FAM193A: variants seen among roughly 807,000 people sequenced by gnomAD.
FAM193A encodes the protein protein FAM193A.
A neutral mutation model predicts 126.5 loss-of-function variants in FAM193A; 22 were observed. That is an observed-to-expected ratio of 0.17 (90% CI 0.12 to 0.25). The LOEUF is 0.25. Ranked by LOEUF, FAM193A falls within the 10% of genes least tolerant of loss-of-function variation. The pLI is 1.00. For missense variants in FAM193A, 1,675 were observed against 1,672.8 expected, an observed-to-expected ratio of 1.00 and a Z score of -0.02; for synonymous variants, 761 against 646.8, an observed-to-expected ratio of 1.18 and a Z score of -2.68.
At chr4:2,635,414 CTTA>C (rs1346400700) in intron 5 of FAM193A, among the ~76,000 whole-genome samples, 1 of 152,018 alleles carries the variant, frequency 6.6e-6, no homozygotes, top group African/African-American at 2.4e-5. Flanking sequence ...TTTTTAAATG[CTTA>C]TTGTCATTTT....
intron 12 of FAM193A, among the ~76,000 whole-genome samples, chr4:2,671,698 G>A (rs1310445881): frequency 8.5e-5 from 13 of 152,214 alleles, no homozygotes; most frequent in Admixed American, 3.3e-4. Flanking sequence ...TCACTCCACC[G>A]TAACCGGAAG....
intron 6 of FAM193A, among the ~76,000 whole-genome samples, chr4:2,641,796 A>C (rs964943279): frequency 3.0e-4 from 46 of 152,244 alleles, no homozygotes; most frequent in African/African-American, 1.1e-3. Context: ...ATTAGGTAAA[A>C]GAGAATTGAG....
chr4:2,656,190 G>A (rs761594898), intron 7 of FAM193A, among the ~76,000 whole-genome samples: 32 of 152,136 alleles, frequency 2.1e-4, no homozygotes, highest in Admixed American at 3.9e-4. Context: ...AATGAATTGA[G>A]AAACTCTGTG....
chr4:2,610,930 T>A (rs1348410617), intron 2 of FAM193A, among the ~76,000 whole-genome samples: 1 of 152,076 alleles, frequency 6.6e-6, no homozygotes, highest in Non-Finnish European at 1.5e-5. Flanking sequence ...AGAGACAGGG[T>A]TTCTCCATGT....
intron 19 of FAM193A, among the ~76,000 whole-genome samples, chr4:2,713,835 C>T (rs1719259059): frequency 6.6e-6 from 1 of 152,128 alleles, no homozygotes; most frequent in Non-Finnish European, 1.5e-5. Context: ...TAAACTTTGA[C>T]CTGTTGTGTT....
At chr4:2,623,195 G>C (rs902273888) in intron 2 of FAM193A, among the ~76,000 whole-genome samples, 4 of 150,766 alleles carry the variant, frequency 2.7e-5, no homozygotes, top group African/African-American at 9.8e-5. Flanking sequence ...TTTTTGAGAC[G>C]GAGTCTTGCT....
At chr4:2,631,995 GCTTT>G (rs1184537713) in intron 5 of FAM193A, among the ~76,000 whole-genome samples, 1 of 152,078 alleles carries the variant, frequency 6.6e-6, no homozygotes, top group South Asian at 2.1e-4. Context: ...AGTTTTGGGT[GCTTT>G]CTTTCTTTTA....
intron 15 of FAM193A, among the ~76,000 whole-genome samples, chr4:2,692,956 A>G (rs1206730340): frequency 2.6e-5 from 4 of 152,144 alleles, no homozygotes; most frequent in South Asian, 2.1e-4. Flanking sequence ...TAGTCCCAGC[A>G]CTTTAGGTGG....
chr4:2,708,687 T>A (rs1718586481), intron 19 of FAM193A, among the ~76,000 whole-genome samples: 1 of 152,138 alleles, frequency 6.6e-6, no homozygotes, highest in Non-Finnish European at 1.5e-5. Context: ...GGTCTCGAAC[T>A]CCAGACCTCA....
intron 2 of FAM193A, among the ~76,000 whole-genome samples, chr4:2,606,681 A>T (rs542322735): frequency 1.3e-5 from 2 of 152,270 alleles, no homozygotes; most frequent in East Asian, 3.9e-4. Flanking sequence ...TTTGTAAAGT[A>T]TTGGTTTACT....
chr4:2,666,516 A>G (rs925762856), intron 12 of FAM193A, among the ~76,000 whole-genome samples: 1 of 152,196 alleles, frequency 6.6e-6, no homozygotes, highest in African/African-American at 2.4e-5. Context: ...TATCAGAGTA[A>G]TACTGGCTTC....
chr4:2,604,731 A>T (rs532008694), intron 2 of FAM193A, among the ~76,000 whole-genome samples: 19 of 147,190 alleles, frequency 1.3e-4, no homozygotes, highest in African/African-American at 4.8e-4. Flanking sequence ...TGCAGTATAT[A>T]TAGAGGTAGA....
intron 1 of FAM193A, among the ~76,000 whole-genome samples, chr4:2,556,791 C>T (rs769524120): frequency 2.0e-5 from 3 of 152,138 alleles, no homozygotes; most frequent in Non-Finnish European, 4.4e-5. Context: ...TTTTCCCTTA[C>T]GTAAGTTAAT....
At chr4:2,725,967 C>T (rs1019620198) in intron 20 of FAM193A, among the ~76,000 whole-genome samples, 8 of 152,024 alleles carry the variant, frequency 5.3e-5, no homozygotes, top group Non-Finnish European at 1.0e-4. Flanking sequence ...GGCGCGATTT[C>T]GGCTCACTGC....
chr4:2,730,131 C>T (rs893180960), intron 20 of FAM193A, among the ~76,000 whole-genome samples: 4 of 152,122 alleles, frequency 2.6e-5, no homozygotes, highest in African/African-American at 9.7e-5. Context: ...TGGTCTCAAA[C>T]GCCTGGGTTC....
chr4:2,664,537 TTCTC>T (rs1177926694), intron 12 of FAM193A, among the ~76,000 whole-genome samples: 1 of 150,672 alleles, frequency 6.6e-6, no homozygotes, highest in South Asian at 2.1e-4. Context: ...TGGTACACCT[TTCTC>T]TCTCTCTATT....
chr4:2,659,703 C>G (rs1712172656), intron 9 of FAM193A, 33 bp downstream of exon 9: 2 of 1,609,524 alleles, frequency 1.2e-6, no homozygotes, highest in Non-Finnish European at 1.7e-6. Flanking sequence ...GCACGACTGG[C>G]CCATTGGACC....
intron 1 of FAM193A, among the ~76,000 whole-genome samples, chr4:2,552,008 A>ATTTTT (rs71178476): frequency 9.0e-6 from 1 of 111,728 alleles, no homozygotes. Flanking sequence ...GTCTGGGTAA[A>ATTTTT]TTTTTTTTTT....
At chr4:2,668,334 C>T (rs1405858848) in intron 12 of FAM193A, among the ~76,000 whole-genome samples, 1 of 151,976 alleles carries the variant, frequency 6.6e-6, no homozygotes, top group Non-Finnish European at 1.5e-5. Flanking sequence ...CTGCCTCAGC[C>T]TCCCAAGTAG....
Sources: gnomAD v4.1 joint callset for allele counts (sites outside exome capture counted in the v4.1 genomes callset) on GRCh38, gnomAD v4.1.1 for gene constraint, MANE v1.5 for transcripts, NCBI Gene and HGNC (gene_info 2026-07-23, HGNC 2026-07-21) for gene names.